The following NUBPL variants were observed in gnomAD, a reference collection of about 807,000 sequenced individuals.
NUBPL encodes NUBP iron-sulfur cluster assembly factor, mitochondrial, also known as iron-sulfur cluster transfer protein NUBPL.
NUBPL carries 31 observed loss-of-function variants against 45.7 expected under a neutral mutation model. That is an observed-to-expected ratio of 0.68 (90% CI 0.51 to 0.92). NUBPL has a LOEUF of 0.92. Ranked by LOEUF, NUBPL falls within the 40% of genes least tolerant of loss-of-function variation. The pLI is 0.00. For synonymous variants in NUBPL, 144 were observed against 140.9 expected (o/e 1.02, Z -0.15); for missense variants, 401 against 398.7 (o/e 1.01, Z -0.05).
At chr14:31,687,930 A>G (rs1177728214) in intron 6 of NUBPL, among the ~76,000 whole-genome samples, 2 of 152,226 alleles carry the variant, frequency 1.3e-5, no homozygotes, top group African/African-American at 4.8e-5. Context: ...TTGTGAGAAA[A>G]GATAAGAAAA....
At chr14:31,726,647 T>TA (rs1376321015) in intron 6 of NUBPL, among the ~76,000 whole-genome samples, 1 of 98,596 alleles carries the variant, frequency 1.0e-5, no homozygotes, top group Non-Finnish European at 2.0e-5. Flanking sequence ...CCATGCTTGA[T>TA]ACACTTGTTG....
At chr14:31,663,831 G>C (rs998612767) in intron 4 of NUBPL, among the ~76,000 whole-genome samples, 1 of 152,190 alleles carries the variant, frequency 6.6e-6, no homozygotes, top group African/African-American at 2.4e-5. Flanking sequence ...ACTTTGGGCA[G>C]TATGGCCATT....
At chr14:31,622,607 TG>T (rs1595382326) in intron 4 of NUBPL, among the ~76,000 whole-genome samples, 1 of 152,360 alleles carries the variant, frequency 6.6e-6, no homozygotes, top group African/African-American at 2.4e-5. Context: ...TAGCTCCAGC[TG>T]TGGCTAAAAG....
At chr14:31,838,235 C>T (rs116104529) in intron 8 of NUBPL, among the ~76,000 whole-genome samples, 124 of 141,124 alleles carry the variant, frequency 8.8e-4, no homozygotes, top group African/African-American at 3.3e-3. Context: ...GAAACTTTTG[C>T]TTCTTTAACG....
In NUBPL at chr14:31,859,293, C is replaced by A; in HGVS notation, c.*113C>A. The A allele has an allele frequency of 2.3e-6, 2 of 888,268 alleles. No individual in the cohort carries two copies. Among genetic ancestry groups the A allele is most frequent in the Non-Finnish European group, 3.7e-6 (2 of 539,434 alleles). 55.0% of individuals were successfully genotyped at this position (888,268 alleles called of 1,614,324 possible). On this transcript the variant is annotated 3_prime_UTR_variant, in exon 11 of 11. Transcript: ENST00000281081. ...AATAGAAATCATAACTGTTTTATTT[C>A]TAAGGAAAGAATGTCTTCATATTTG...
intron 3 of NUBPL, among the ~76,000 whole-genome samples, chr14:31,588,921 A>G (rs529139889): frequency 2.0e-4 from 31 of 152,050 alleles, no homozygotes; most frequent in African/African-American, 7.5e-4. Flanking sequence ...CTCAAAAAAA[A>G]AAAAAAAAAT....
intron 6 of NUBPL, among the ~76,000 whole-genome samples, chr14:31,712,000 G>C (rs2037583400): frequency 6.6e-6 from 1 of 152,210 alleles, no homozygotes; most frequent in South Asian, 2.1e-4. Context: ...AGGTGGTGCA[G>C]ACCCAAAGAA....
At chr14:31,622,306 A>G (rs950458216) in intron 4 of NUBPL, among the ~76,000 whole-genome samples, 1 of 152,198 alleles carries the variant, frequency 6.6e-6, no homozygotes, top group Non-Finnish European at 1.5e-5. Context: ...TTTAAAGGGA[A>G]GCAGAGCATA....
At chr14:31,626,091 ATATTT>A (rs1310359648) in intron 4 of NUBPL, among the ~76,000 whole-genome samples, 1 of 152,172 alleles carries the variant, frequency 6.6e-6, no homozygotes, top group African/African-American at 2.4e-5. Context: ...TATGTGTGGG[ATATTT>A]TATTTATAAA....
chr14:31,632,961 T>C (rs1247681050), intron 4 of NUBPL, among the ~76,000 whole-genome samples: 1 of 152,244 alleles, frequency 6.6e-6, no homozygotes, highest in Non-Finnish European at 1.5e-5. Flanking sequence ...AAATTATTAA[T>C]AGACATGGAT....
At chr14:31,736,757 A>T (rs545119381) in intron 6 of NUBPL, among the ~76,000 whole-genome samples, 1 of 152,278 alleles carries the variant, frequency 6.6e-6, no homozygotes, top group African/African-American at 2.4e-5. Flanking sequence ...GGATATGTTT[A>T]GTTTTAGTTG....
intron 7 of NUBPL, among the ~76,000 whole-genome samples, chr14:31,807,610 G>T (rs193036848): frequency 5.9e-5 from 9 of 152,188 alleles, no homozygotes; most frequent in African/African-American, 2.2e-4. Flanking sequence ...TTGCTGTGCA[G>T]AAGCTCTTTA....
intron 4 of NUBPL, among the ~76,000 whole-genome samples, chr14:31,628,171 T>C (rs1384148282): frequency 1.3e-5 from 2 of 152,224 alleles, no homozygotes; most frequent in Non-Finnish European, 2.9e-5. Context: ...TCTCCTCTTA[T>C]ACTACACCAA....
At chr14:31,707,751 C>T (rs2037486926) in intron 6 of NUBPL, among the ~76,000 whole-genome samples, 1 of 152,214 alleles carries the variant, frequency 6.6e-6, no homozygotes, top group African/African-American at 2.4e-5. Context: ...CACCTTGTAC[C>T]CTTGATTAGC....
At chr14:31,814,379 T>C (rs1172792734) in intron 7 of NUBPL, among the ~76,000 whole-genome samples, 1 of 152,162 alleles carries the variant, frequency 6.6e-6, no homozygotes, top group Non-Finnish European at 1.5e-5. Flanking sequence ...TTTGATGCAG[T>C]TGTTTGTTTT....
intron 4 of NUBPL, among the ~76,000 whole-genome samples, chr14:31,653,038 G>A (rs990391589): frequency 3.3e-5 from 5 of 152,144 alleles, no homozygotes; most frequent in Non-Finnish European, 5.9e-5. Flanking sequence ...AAAAGGGAAG[G>A]GGGTGTACGA....
chr14:31,723,135 G>A (rs1349407082), intron 6 of NUBPL, among the ~76,000 whole-genome samples: 1 of 152,134 alleles, frequency 6.6e-6, no homozygotes, highest in Non-Finnish European at 1.5e-5. Flanking sequence ...TGTAAGGAAG[G>A]GGTCCAGTGT....
At chr14:31,767,600 C>T (rs752278662) in intron 6 of NUBPL, among the ~76,000 whole-genome samples, 17 of 152,240 alleles carry the variant, frequency 1.1e-4, no homozygotes, top group Non-Finnish European at 2.1e-4. Flanking sequence ...ATCAAACCAA[C>T]AGGGACTGCT....
chr14:31,710,249 G>A (rs753858359), intron 6 of NUBPL, among the ~76,000 whole-genome samples: 9 of 152,170 alleles, frequency 5.9e-5, no homozygotes, highest in Non-Finnish European at 8.8e-5. Flanking sequence ...TGACAAAACC[G>A]CCCGCAGATT....
Sources: allele counts gnomAD v4.1 joint callset (sites outside exome capture counted in the v4.1 genomes callset), GRCh38; gene constraint gnomAD v4.1.1; transcripts MANE v1.5; gene names NCBI Gene and HGNC (gene_info 2026-07-23, HGNC 2026-07-21).